Variants in PLA2G4F observed in about 807,000 individuals in gnomAD.
PLA2G4F encodes the protein cytosolic phospholipase A2 zeta.
Under a neutral mutation model 103.1 loss-of-function variants are expected in PLA2G4F, and 105 were observed. That is an observed-to-expected ratio of 1.02 (90% CI 0.87 to 1.20). PLA2G4F has a LOEUF of 1.20. PLA2G4F is among the 50% of genes most tolerant of loss of function. The probability of loss-of-function intolerance (pLI) is 0.00; values close to 1 mark genes in which losing one functional copy is unlikely to be tolerated. For synonymous variants in PLA2G4F, 468 were observed against 441.1 expected (o/e 1.06, Z -0.76); for missense variants, 1,155 against 1,075.9 (o/e 1.07, Z -1.03).
At chr15:42,148,161 G>A (rs894404640) in intron 11 of PLA2G4F, among the ~76,000 whole-genome samples, 3 of 137,196 alleles carry the variant, frequency 2.2e-5, no homozygotes, top group Non-Finnish European at 3.0e-5. Flanking sequence ...CAGCCTGGGC[G>A]ACAGAGCGAG....
intron 18 of PLA2G4F, among the ~76,000 whole-genome samples, chr15:42,143,205 A>G (rs966963859): frequency 7.2e-6 from 1 of 139,512 alleles, no homozygotes; most frequent in Non-Finnish European, 1.6e-5. Flanking sequence ...AAAAAAAAAA[A>G]GCTCCCCATC....
At chr15:42,153,595 G>C in intron 5 of PLA2G4F, 25 bp downstream of exon 5, 1 of 1,613,826 alleles carries the variant, frequency 6.2e-7, no homozygotes, top group Non-Finnish European at 8.5e-7. Context: ...GAGTCTCTGA[G>C]GGCGTTGGCT....
chr15:42,143,234 T>G (rs1426101566), intron 18 of PLA2G4F, among the ~76,000 whole-genome samples: 1 of 138,246 alleles, frequency 7.2e-6, no homozygotes, highest in African/African-American at 2.8e-5. Context: ...TTGTGAAGAT[T>G]AACAATAATC....
In PLA2G4F at chr15:42,147,335, G is replaced by T. The variant is rs745375667; in HGVS notation, c.1208C>A (p.Thr403Lys). ...GVSGSTWCIS[T>K]LYRDPAWSQV... ...GGACCAGGCTGGGTCCCTGTAGAGT[G>T]TGGAGATGCACCTGGGGATTGGAGG... The change falls in exon 13 of 20, where the codon ACA becomes AAA. Residue 403 changes from threonine (T) to lysine (K), a missense_variant. Physicochemically the swap from Thr to Lys is moderately conservative, Grantham distance 78. This residue lies in a region of PLA2G4F where 782 missense variants were observed against 692.9 expected (regional missense o/e 1.13). Transcript: ENST00000397272. The T allele has an allele frequency of 1.9e-6, 3 of 1,607,078 alleles. No individual in the cohort carries two copies. Among genetic ancestry groups the T allele is most frequent in the East Asian group, 2.2e-5 (1 of 44,868 alleles).
chr15:42,153,965 G>T (rs1178377499), intron 4 of PLA2G4F, 127 bp downstream of exon 4: 1 of 1,427,918 alleles, frequency 7.0e-7, no homozygotes, highest in South Asian at 1.3e-5. Context: ...ATAGGGTCAG[G>T]GCTGCGGGGT....
intron 11 of PLA2G4F, chr15:42,148,594 GGGGA>G: frequency 3.1e-6 from 3 of 976,280 alleles, no homozygotes; most frequent in Non-Finnish European, 3.7e-6. Flanking sequence ...GGGGTGCGGT[GGGGA>G]GGAACTAAAT....
At chr15:42,155,144 C>T (rs1273339159) in intron 2 of PLA2G4F, among the ~76,000 whole-genome samples, 2 of 152,092 alleles carry the variant, frequency 1.3e-5, no homozygotes, top group East Asian at 3.9e-4. Context: ...CATATATACA[C>T]TTCCACTCAC....
In PLA2G4F at chr15:42,147,656, G is replaced by A. The variant is rs954176160; in HGVS notation, c.1166C>T (p.Thr389Ile). The A allele has an allele frequency of 1.2e-6, 2 of 1,614,046 alleles. No homozygotes were observed. The highest frequency in any genetic ancestry group is 1.7e-6 in the Non-Finnish European group (2 of 1,180,004). Residue 389 changes from threonine to isoleucine, a missense_variant, in exon 12 of 20, where the codon ACC becomes ATC. This residue lies in a region of PLA2G4F where 782 missense variants were observed against 692.9 expected (regional missense o/e 1.13). Transcript: ENST00000397272. ...AGACCCAGAGACCCCACTCAGGTAG[G>A]TCACAGTGTCTAGAAGGCCGAGCTC... Reference protein sequence around the residue: ...LQELGLLDTVTYLSGVSGSTW... With the variant: ...LQELGLLDTVIYLSGVSGSTW...
chr15:42,148,083 G>A lies in PLA2G4F; in HGVS notation c.1060-321C>T, dbSNP rs151123040. The stretch of plus-strand genomic sequence containing the variant: ...CTGTAGTCCCAGCTATCTGGAGGCT[G>A]AGGCAGGAGAATGGCGTGAACCCAG... On this transcript the variant is annotated intron_variant, in intron 11 of 19. Transcript: ENST00000397272. Among the ~76,000 whole-genome samples the A allele has an allele frequency of 9.6e-3, 1,458 of 151,974 alleles. 28 individuals are homozygous for A. Among genetic ancestry groups the A allele is most frequent in the African/African-American group, 0.034 (1,411 of 41,400 alleles).
rs1433711964 is a variant in PLA2G4F at position 42,145,820 on chromosome 15, A to C, written c.1618T>G (p.Phe540Val). 1 of 1,614,132 alleles carries C rather than the reference A, an allele frequency of 6.2e-7. No individual in the cohort carries two copies. The highest frequency in any genetic ancestry group is 1.7e-5 in the Admixed American group (1 of 60,028). ...VPTELFGSEL[F>V]MGRLLQLQPE... is the part of the protein sequence containing the mutation. ...TGGAGCTGCAGCAATCGTCCCATGA[A>C]GAGTTCTGAGCCGAAGAGCTCGGTG... The change falls in exon 15 of 20, where the codon TTC becomes GTC. Residue 540 changes from phenylalanine to valine, a missense_variant. Coordinates refer to ENST00000397272, the MANE Select transcript of PLA2G4F (RefSeq NM_213600.4).
intron 7 of PLA2G4F, 47 bp downstream of exon 7, chr15:42,152,641 A>G: frequency 6.5e-7 from 1 of 1,545,954 alleles, no homozygotes; most frequent in Non-Finnish European, 8.8e-7. Context: ...AGTAGTTCCA[A>G]CCCCGGGAGA....
At chr15:42,151,600 G>T (rs1035409187) in intron 7 of PLA2G4F, 5 of 985,266 alleles carry the variant, frequency 5.1e-6, no homozygotes, top group Non-Finnish European at 6.0e-6. Flanking sequence ...AGGAGTCCCT[G>T]CCCTACAGCC....
rs1056982286 is a variant in PLA2G4F, at chr15:42,152,579, G to C, written c.601+109C>G. The stretch of plus-strand genomic sequence containing the variant: ...ATCCATCCCATCGTTAGTCGGCTTT[G>C]AGCAATGAAAACTTTAAGAACTTCC... On this transcript the variant is annotated intron_variant, in intron 7 of 19. Transcript: ENST00000397272. The C allele has an allele frequency of 2.6e-6, 3 of 1,145,084 alleles. No homozygotes were observed. The African/African-American group carries it at 4.6e-5, about 18-fold the overall frequency. The allele number at this position is 1,145,084 out of a possible 1,614,324, so 70.9% of individuals were successfully genotyped here. A position where few individuals can be genotyped will look rare whatever the true frequency, so the allele number is the denominator to read the frequency against.
intron 11 of PLA2G4F, chr15:42,148,858 A>G (rs1176085303): frequency 7.1e-6 from 7 of 985,186 alleles, no homozygotes; most frequent in African/African-American, 1.7e-5. Context: ...GCCACTGCTC[A>G]CAGAAGGCGC....
At chr15:42,155,134 C>T (rs567447556) in intron 2 of PLA2G4F, among the ~76,000 whole-genome samples, 2,179 of 152,094 alleles carry the variant, frequency 0.014, 48 homozygotes, top group African/African-American at 0.05. Flanking sequence ...CTCGCACTCA[C>T]ATATATACAC....
chr15:42,151,611 C>T (rs932355324), intron 7 of PLA2G4F: 12 of 985,150 alleles, frequency 1.2e-5, no homozygotes, highest in Non-Finnish European at 1.4e-5. Flanking sequence ...CCCTACAGCC[C>T]CTCCTTGCAC....
rs1195106505 is a variant in PLA2G4F at position 42,144,136 on chromosome 15, GGT to G, written c.1982_1983del (p.His661ProfsTer45). ...GTGAGCTGGTTGGGGAAGGCGTCCG[GGT>G]GTGTGTCTGCAAGGAACCCATGTGT... ...GREFVAWKDT[H>X]PDAFPNQLTP... On this transcript the variant is annotated frameshift_variant, in exon 18 of 20. Transcript: ENST00000397272. LOFTEE classifies it high-confidence loss of function. The G allele has an allele frequency of 6.2e-7, 1 of 1,608,886 alleles. No homozygotes were observed. The highest frequency in any genetic ancestry group is 8.5e-7 in the Non-Finnish European group (1 of 1,177,918).
At chr15:42,149,513 G>A (rs8033080) in intron 11 of PLA2G4F, 200 bp downstream of exon 11, 172,856 of 984,842 alleles carry the variant, frequency 0.18, 24,248 homozygotes, top group African/African-American at 0.68. Context: ...TTGTTACGGC[G>A]GCCCACATAG....
rs777146420 is a variant in PLA2G4F at position 42,153,696 on chromosome 15, G to A, written c.451-36C>T. 1.9e-6 allele frequency: 3 copies of A among 1,612,174 alleles called. No homozygotes were observed. The South Asian group carries it at 3.3e-5, about 18-fold the overall frequency. On this transcript the variant is annotated intron_variant, in intron 4 of 19. Coordinates refer to ENST00000397272, the MANE Select transcript of PLA2G4F (RefSeq NM_213600.4). ...GGGGAGGGAGCACCAATTTTTTCAAGGCTCCAAAAGCCTCCAGAGCTGTTC... is the reference window on the plus strand; with the variant it reads ...GGGGAGGGAGCACCAATTTTTTCAAAGCTCCAAAAGCCTCCAGAGCTGTTC...
Sources: gnomAD v4.1 joint callset for allele counts (sites outside exome capture counted in the v4.1 genomes callset) on GRCh38, gnomAD v4.1.1 for gene constraint, gnomAD v4.1.1 regional missense constraint, MANE v1.5 for transcripts, NCBI Gene and HGNC (gene_info 2026-07-23, HGNC 2026-07-21) for gene names.